The following DMTF1 variants were observed in gnomAD, a reference collection of about 807,000 sequenced individuals.
DMTF1 encodes cyclin D binding myb like transcription factor 1.
In DMTF1, 39 loss-of-function variants were observed where a neutral mutation model predicts 91.1. That is an observed-to-expected ratio of 0.43 (90% CI 0.33 to 0.56). The LOEUF (loss-of-function observed/expected upper bound fraction) is 0.56. DMTF1 is among the 20% of genes least tolerant of loss of function. DMTF1 has a pLI of 0.05. For missense variants in DMTF1, 750 were observed against 914.5 expected (o/e 0.82, Z 2.32); for synonymous variants, 338 against 309.5 (o/e 1.09, Z -0.97).
In DMTF1 at chr7:87,194,100, G is replaced by A. The variant is rs903346847; in HGVS notation, c.2026G>A (p.Glu676Lys). The A allele has an allele frequency of 3.8e-6, 6 of 1,569,520 alleles. No individual in the cohort carries two copies. The highest frequency in any genetic ancestry group is 5.2e-6 in the Non-Finnish European group (6 of 1,159,176). Residue 676 changes from glutamate (E) to lysine (K), a missense_variant and splice_region_variant, in exon 16 of 18, where the codon GAG becomes AAG. Coordinates refer to ENST00000331242, the MANE Select transcript of DMTF1 (RefSeq NM_001142327.2). ...TGATTTAGCCAGTGCTTATGTTACT[G>A]AGGTAAGTTGTACTTTAAGAACAAC... is the stretch of plus-strand genomic sequence containing the variant. ...PSDLASAYVTEGLESPTIEEQ... is the reference protein window; with the variant it reads ...PSDLASAYVTKGLESPTIEEQ...
intron 7 of DMTF1, among the ~76,000 whole-genome samples, chr7:87,177,898 C>G (rs1796573817): frequency 6.6e-6 from 1 of 152,136 alleles, no homozygotes; most frequent in Non-Finnish European, 1.5e-5. Context: ...TGCACCAGTA[C>G]AGCGCTGTCT....
intron 1 of DMTF1, among the ~76,000 whole-genome samples, chr7:87,161,490 A>C (rs1792382522): frequency 1.3e-5 from 2 of 152,188 alleles, no homozygotes; most frequent in African/African-American, 4.8e-5. Context: ...CAACAGAGTG[A>C]GACTCCATCT....
chr7:87,184,104 AGT>A (rs1487527092), intron 10 of DMTF1, among the ~76,000 whole-genome samples: 1 of 152,198 alleles, frequency 6.6e-6, no homozygotes, highest in Non-Finnish European at 1.5e-5. Context: ...TAAAGGACTT[AGT>A]GTAACTTGAG....
rs915588847 is a variant in DMTF1, at chr7:87,164,996, G to T, written c.55G>T (p.Val19Leu). The T allele has an allele frequency of 6.2e-7, 1 of 1,610,854 alleles. No individual in the cohort carries two copies. Among genetic ancestry groups the T allele is most frequent in the African/African-American group, 1.3e-5 (1 of 74,892 alleles). The change falls in exon 3 of 18, where the codon GTG becomes TTG. Residue 19 changes from valine (V) to leucine (L), a missense_variant. This residue lies in a region of DMTF1 where 150 missense variants were observed against 150.4 expected (regional missense o/e 1.00). Transcript: ENST00000331242. Reference protein sequence around the residue: ...DTVTVETVNSVTLTQDTEGNL... With the variant: ...DTVTVETVNSLTLTQDTEGNL... ...AGTAACAGTAGAAACTGTGAACTCT[G>T]TGACTTTGACTCAGGACACAGAAGG...
At chr7:87,162,084 A>C (rs1362465464) in intron 1 of DMTF1, among the ~76,000 whole-genome samples, 1 of 152,152 alleles carries the variant, frequency 6.6e-6, no homozygotes, top group East Asian at 1.9e-4. Flanking sequence ...CATGCTTTTT[A>C]TTGCAGCATA....
intron 10 of DMTF1, among the ~76,000 whole-genome samples, chr7:87,183,455 C>T (rs1386428348): frequency 6.6e-6 from 1 of 152,198 alleles, no homozygotes; most frequent in African/African-American, 2.4e-5. Context: ...CATACAGCTG[C>T]TGATGAGGCC....
chr7:87,169,978 C>T (rs1794711928), intron 4 of DMTF1, among the ~76,000 whole-genome samples: 1 of 152,230 alleles, frequency 6.6e-6, no homozygotes, highest in Non-Finnish European at 1.5e-5. Context: ...CCAGACTTCT[C>T]ATTCTCTAAA....
intron 4 of DMTF1, among the ~76,000 whole-genome samples, chr7:87,168,468 CTG>C (rs1385185735): frequency 1.4e-4 from 22 of 152,288 alleles, no homozygotes; most frequent in African/African-American, 5.1e-4. Context: ...GGCTCTAACT[CTG>C]TAGTCTTTTG....
chr7:87,184,251 G>A, intron 10 of DMTF1, 146 bp from the exon 11 acceptor site: 1 of 671,204 alleles, frequency 1.5e-6, no homozygotes, highest in Non-Finnish European at 2.5e-6. Context: ...GTCTTAGTGG[G>A]TATATATGGT....
intron 12 of DMTF1, chr7:87,186,463 G>A (rs1251598970): frequency 1.3e-5 from 2 of 153,852 alleles, no homozygotes; most frequent in Non-Finnish European, 2.9e-5. Context: ...TACCCAGGTT[G>A]GTCTCCAACT....
chr7:87,163,114 T>C (rs747098504), intron 1 of DMTF1: 10 of 152,088 alleles, frequency 6.6e-5, no homozygotes, highest in African/African-American at 2.4e-4. Flanking sequence ...AGGAAAACTA[T>C]AGTTACTAAT....
rs1801204625 is a variant in DMTF1, at chr7:87,196,243, A to C, written c.*1103A>C. On this transcript the variant is annotated 3_prime_UTR_variant, in exon 18 of 18. Transcript: ENST00000331242. ...ACTGTGTTTTGTCAACGTGAAATTAAATTGTAGTTATAAGCAAAAGTTGGT... is the reference window on the plus strand; with the variant it reads ...ACTGTGTTTTGTCAACGTGAAATTACATTGTAGTTATAAGCAAAAGTTGGT... 6.4e-6 allele frequency: 1 copy of C among 156,604 alleles called. No homozygotes were observed. The highest frequency in any genetic ancestry group is 1.4e-5 in the Non-Finnish European group (1 of 71,036). 9.7% of individuals were successfully genotyped at this position (156,604 alleles called of 1,614,324 possible).
Position 87,194,093 on chromosome 7 carries a change from T to A in DMTF1, c.2019T>A (p.Tyr673Ter). The A allele has an allele frequency of 6.3e-7, 1 of 1,587,736 alleles. No homozygotes were observed. Among genetic ancestry groups the A allele is most frequent in the Non-Finnish European group, 8.6e-7 (1 of 1,167,292 alleles). The change falls in exon 16 of 18, where the codon TAT (tyrosine) becomes TAA (stop). Residue 673 changes from tyrosine to a stop codon, truncating the protein, a stop_gained. Transcript: ENST00000331242. LOFTEE classifies it high-confidence loss of function. ...EESPSDLASA[Y>*]VTEGLESPTI... ...CACCCTCTGATTTAGCCAGTGCTTA[T>A]GTTACTGAGGTAAGTTGTACTTTAA...
intron 10 of DMTF1, among the ~76,000 whole-genome samples, chr7:87,182,928 G>A (rs73206986): frequency 1.3e-5 from 2 of 152,042 alleles, no homozygotes; most frequent in Non-Finnish European, 2.9e-5. Flanking sequence ...TAATCTTTGC[G>A]ACCAACAACG....
chr7:87,172,565 A>G (rs904773166), intron 5 of DMTF1, among the ~76,000 whole-genome samples: 1 of 152,192 alleles, frequency 6.6e-6, no homozygotes, highest in Non-Finnish European at 1.5e-5. Flanking sequence ...TTAGAAGTTC[A>G]GTTTCTGTTT....
intron 1 of DMTF1, among the ~76,000 whole-genome samples, chr7:87,153,110 C>G (rs1222933076): frequency 6.6e-6 from 1 of 151,762 alleles, no homozygotes; most frequent in Admixed American, 6.6e-5. Flanking sequence ...CTTTTTTGTT[C>G]TTTTCCCTCG....
chr7:87,188,719 A>T (rs534947372), intron 13 of DMTF1, among the ~76,000 whole-genome samples: 11 of 152,284 alleles, frequency 7.2e-5, no homozygotes, highest in South Asian at 4.1e-4. Context: ...TCGTTTGGTA[A>T]AGAAATGAGT....
intron 1 of DMTF1, among the ~76,000 whole-genome samples, chr7:87,160,389 C>T (rs1222737065): frequency 6.6e-6 from 1 of 151,928 alleles, no homozygotes; most frequent in Non-Finnish European, 1.5e-5. Context: ...ATTCTCCTGC[C>T]TCAGCCTCTC....
intron 7 of DMTF1, among the ~76,000 whole-genome samples, chr7:87,175,443 A>C (rs1018221359): frequency 6.6e-6 from 1 of 152,224 alleles, no homozygotes; most frequent in Non-Finnish European, 1.5e-5. Flanking sequence ...CTCTTCATTA[A>C]ATGTCTTTTG....
Sources: gnomAD v4.1 joint callset for allele counts (sites outside exome capture counted in the v4.1 genomes callset) on GRCh38, gnomAD v4.1.1 for gene constraint, gnomAD v4.1.1 regional missense constraint, MANE v1.5 for transcripts, NCBI Gene and HGNC (gene_info 2026-07-23, HGNC 2026-07-21) for gene names.